Variants in UBXN2B observed in about 807,000 individuals in gnomAD.
UBXN2B encodes the protein UBX domain protein 2B.
Under a neutral mutation model 37.5 loss-of-function variants are expected in UBXN2B, and 19 were observed. The observed-to-expected ratio is 0.51, with a 90% CI of 0.35 to 0.74. The LOEUF (loss-of-function observed/expected upper bound fraction) is 0.74. Among genes scored for constraint, UBXN2B ranks in the 30% least tolerant of loss-of-function variants. The pLI is 0.01. For synonymous variants in UBXN2B, 145 were observed against 143.8 expected, an observed-to-expected ratio of 1.01 and a Z score of -0.06; for missense variants, 370 against 393.2, an observed-to-expected ratio of 0.94 and a Z score of 0.50.
chr8:58,446,821 A>G (rs1405706342), intron 7 of UBXN2B, among the ~76,000 whole-genome samples: 6 of 11,128 alleles, frequency 5.4e-4, no homozygotes, highest in Non-Finnish European at 1.2e-3. Flanking sequence ...TTTTTGAGAC[A>G]GAGTCTTACT....
chr8:58,416,068 A>G (rs1460851488), intron 1 of UBXN2B, among the ~76,000 whole-genome samples: 1 of 137,490 alleles, frequency 7.3e-6, no homozygotes, highest in African/African-American at 3.1e-5. Context: ...TGAAAAAAAC[A>G]AAAAAAAAAA....
intron 2 of UBXN2B, among the ~76,000 whole-genome samples, chr8:58,419,600 T>C (rs1010244704): frequency 6.6e-6 from 1 of 152,216 alleles, no homozygotes; most frequent in African/African-American, 2.4e-5. Flanking sequence ...ATAGTAGTAT[T>C]GCTTTGAGAA....
chr8:58,414,311 CT>C (rs1342008809), intron 1 of UBXN2B, among the ~76,000 whole-genome samples: 2 of 152,126 alleles, frequency 1.3e-5, no homozygotes, highest in Non-Finnish European at 2.9e-5. Flanking sequence ...TATGCATTTC[CT>C]AGAAGTTCCC....
At chr8:58,433,399 A>T (rs2129604284) in intron 4 of UBXN2B, among the ~76,000 whole-genome samples, 156 bp downstream of exon 4, 1 of 152,298 alleles carries the variant, frequency 6.6e-6, no homozygotes, top group South Asian at 2.1e-4. Context: ...TTCAGTCTCG[A>T]TCTTTATGTT....
intron 6 of UBXN2B, among the ~76,000 whole-genome samples, chr8:58,441,867 G>A (rs1485614190): frequency 2.6e-5 from 4 of 152,178 alleles, no homozygotes; most frequent in Non-Finnish European, 5.9e-5. Context: ...TCTACTTGCT[G>A]GTAGTAATAG....
rs141163454 is a variant in UBXN2B at position 58,417,176 on chromosome 8, A to T, written c.188+223A>T. On this transcript the variant is annotated intron_variant, in intron 2 of 7. Transcript: ENST00000399598. ...AGAAAGCCAAAAGAAACTTACGGAA[A>T]AATTACCTTAAAATACCTAATATTT... is the stretch of plus-strand genomic sequence containing the variant. Among the ~76,000 whole-genome samples the T allele has an allele frequency of 3.0e-3, 458 of 152,300 alleles. 2 individuals are homozygous for T. The highest frequency in any genetic ancestry group is 0.011 in the African/African-American group (443 of 41,562).
intron 2 of UBXN2B, among the ~76,000 whole-genome samples, chr8:58,429,475 G>T (rs941108732): frequency 6.6e-6 from 1 of 152,146 alleles, no homozygotes; most frequent in Admixed American, 6.5e-5. Flanking sequence ...CAGAGCACTG[G>T]CAGGATGAAG....
chr8:58,433,656 C>A (rs929128518), intron 4 of UBXN2B, among the ~76,000 whole-genome samples: 2 of 150,408 alleles, frequency 1.3e-5, no homozygotes, highest in Non-Finnish European at 3.0e-5. Flanking sequence ...TGAACTTGGG[C>A]CAGGCACAGT....
At chr8:58,420,277 A>G (rs1447497201) in intron 2 of UBXN2B, among the ~76,000 whole-genome samples, 3 of 152,216 alleles carry the variant, frequency 2.0e-5, no homozygotes, top group African/African-American at 7.2e-5. Flanking sequence ...GCTAACACCC[A>G]TAAATATAGG....
chr8:58,427,771 G>A (rs1808142183), intron 2 of UBXN2B, among the ~76,000 whole-genome samples: 1 of 152,194 alleles, frequency 6.6e-6, no homozygotes, highest in South Asian at 2.1e-4. Flanking sequence ...AGTGGTAAAA[G>A]CACATATTTC....
chr8:58,433,305 G>A, intron 4 of UBXN2B, 62 bp downstream of exon 4: 1 of 1,359,894 alleles, frequency 7.4e-7, no homozygotes, highest in Non-Finnish European at 1.0e-6. Context: ...AAAACTGTTG[G>A]TTTTAAAATT....
chr8:58,435,460 G>T (rs916284289), intron 5 of UBXN2B, among the ~76,000 whole-genome samples: 6 of 152,138 alleles, frequency 3.9e-5, no homozygotes, highest in African/African-American at 1.4e-4. Flanking sequence ...TGTCCTAGGA[G>T]GCAGTATATG....
rs1464909731 is a variant in UBXN2B at position 58,424,840 on chromosome 8, T to C, written c.189-5679T>C. ...CTGGACCGCCATATAGATAAATCGG[T>C]ACTGTGTTTCTGTCTGGACCATCCC... On this transcript the variant is annotated intron_variant, in intron 2 of 7. Transcript: ENST00000399598. 5.6e-6 allele frequency: 8 copies of C among 1,417,940 alleles called. No homozygotes were observed. In the African/African-American group the frequency reaches 1.1e-4, roughly 20 times the overall value. The allele number at this position is 1,417,940 out of a possible 1,614,324, so 87.8% of individuals were successfully genotyped here.
intron 5 of UBXN2B, among the ~76,000 whole-genome samples, chr8:58,438,930 C>T (rs1808481005): frequency 6.6e-6 from 1 of 152,104 alleles, no homozygotes; most frequent in Admixed American, 6.6e-5. Flanking sequence ...AGGCAGATCC[C>T]TCATGAATGA....
chr8:58,428,029 C>T (rs773418603), intron 2 of UBXN2B, among the ~76,000 whole-genome samples: 2 of 152,182 alleles, frequency 1.3e-5, no homozygotes, highest in Non-Finnish European at 2.9e-5. Flanking sequence ...GAAGGATAGG[C>T]TCAAAAGGAT....
intron 1 of UBXN2B, 50 bp downstream of exon 1, chr8:58,411,519 G>A: frequency 1.6e-6 from 2 of 1,236,086 alleles, no homozygotes; most frequent in Non-Finnish European, 1.0e-6. Flanking sequence ...GCGGGCTGGT[G>A]ACGGCGCGGG....
rs1420650249 is a variant in UBXN2B, at chr8:58,448,506, A to T, written c.*955A>T. ...CAGCAGTTCTTAAGAAGATATGGTA[A>T]ACAGCAACAATATTTTAAAATCAAG... On this transcript the variant is annotated 3_prime_UTR_variant, in exon 8 of 8. Coordinates refer to ENST00000399598, the MANE Select transcript of UBXN2B (RefSeq NM_001077619.2). 1 of 152,170 alleles carries T rather than the reference A, an allele frequency of 6.6e-6. No homozygotes were observed. The highest frequency in any genetic ancestry group is 2.4e-5 in the African/African-American group (1 of 41,452). The allele number at this position is 152,170 out of a possible 1,614,324, so 9.4% of individuals were successfully genotyped here.
At chr8:58,426,003 C>T (rs1563460029) in intron 2 of UBXN2B, 1 of 1,445,924 alleles carries the variant, frequency 6.9e-7, no homozygotes, top group East Asian at 2.3e-5. Context: ...AATTTCTCTG[C>T]TTCTTTCCCA....
In UBXN2B at chr8:58,411,488, G is replaced by A. The variant is rs1807635775; in HGVS notation, c.84+19G>A. On this transcript the variant is annotated intron_variant, in intron 1 of 7. Transcript: ENST00000399598. ...TTTGCAGGTGAGGCGAGGAGCCGGGGGAGGGAGCGCGGCGGTGGACGCGGG... is the reference window on the plus strand; with the variant it reads ...TTTGCAGGTGAGGCGAGGAGCCGGGAGAGGGAGCGCGGCGGTGGACGCGGG... 2.4e-6 allele frequency: 3 copies of A among 1,249,448 alleles called. No individual in the cohort carries two copies. The highest frequency in any genetic ancestry group is 7.1e-5 in the South Asian group (2 of 28,028). 77.4% of individuals were successfully genotyped at this position (1,249,448 alleles called of 1,614,324 possible). A position where few individuals can be genotyped will look rare whatever the true frequency, so the allele number is the denominator to read the frequency against.
Sources: gnomAD v4.1 joint callset for allele counts (sites outside exome capture counted in the v4.1 genomes callset) on GRCh38, gnomAD v4.1.1 for gene constraint, MANE v1.5 for transcripts, NCBI Gene and HGNC (gene_info 2026-07-23, HGNC 2026-07-21) for gene names.